EYS: variants seen among roughly 807,000 people sequenced by gnomAD.
EYS encodes protein eyes shut homolog.
Under a neutral mutation model 282.1 loss-of-function variants are expected in EYS, and 250 were observed. That is an observed-to-expected ratio of 0.89 (90% CI 0.80 to 0.98). The LOEUF (loss-of-function observed/expected upper bound fraction) is 0.98, where lower values mean the gene tolerates loss of function less well. EYS is among the 50% of genes least tolerant of loss of function. The probability of loss-of-function intolerance (pLI) is 0.00; values close to 1 mark genes in which losing one functional copy is unlikely to be tolerated. For synonymous variants in EYS, 1,355 were observed against 1,282.9 expected (o/e 1.06, Z -1.20); for missense variants, 4,016 against 3,709.0 (o/e 1.08, Z -2.15).
At chr6:65,284,911 G>A (rs1189727498) in intron 12 of EYS, among the ~76,000 whole-genome samples, 1 of 151,718 alleles carries the variant, frequency 6.6e-6, no homozygotes, top group Admixed American at 6.6e-5. Context: ...TGTAACAAGA[G>A]GTATTCTATT....
chr6:63,925,323 A>C (rs1050972971), intron 35 of EYS, among the ~76,000 whole-genome samples: 2 of 152,220 alleles, frequency 1.3e-5, no homozygotes, highest in Non-Finnish European at 2.9e-5. Flanking sequence ...AGAAAGAATA[A>C]CAAGAGAAAC....
At chr6:64,046,380 A>G (rs1770625889) in intron 33 of EYS, among the ~76,000 whole-genome samples, 2 of 151,922 alleles carry the variant, frequency 1.3e-5, no homozygotes, top group Non-Finnish European at 2.9e-5. Context: ...TCTCTCTCTC[A>G]CCATCTGTCC....
chr6:64,903,829 C>T (rs1263700408), intron 16 of EYS, among the ~76,000 whole-genome samples: 1 of 152,130 alleles, frequency 6.6e-6, no homozygotes, highest in Non-Finnish European at 1.5e-5. Context: ...AAACCTGCCT[C>T]CCGTTGCAAT....
intron 31 of EYS, among the ~76,000 whole-genome samples, chr6:64,212,621 C>T (rs181205567): frequency 3.3e-5 from 5 of 150,270 alleles, no homozygotes; most frequent in East Asian, 3.9e-4. Context: ...CAGATGCTGG[C>T]GAGGTTGTAG....
At chr6:65,547,556 A>C (rs1768438899) in intron 2 of EYS, among the ~76,000 whole-genome samples, 2 of 152,082 alleles carry the variant, frequency 1.3e-5, no homozygotes, top group Admixed American at 6.6e-5. Context: ...ATATTAGTGT[A>C]TATAGTGTCT....
intron 35 of EYS, among the ~76,000 whole-genome samples, chr6:63,908,600 A>G (rs186981503): frequency 2.0e-5 from 3 of 152,086 alleles, no homozygotes; most frequent in Non-Finnish European, 4.4e-5. Flanking sequence ...ACAGGCACCC[A>G]CCACCACGCT....
At chr6:64,657,575 G>T (rs1306695928) in intron 22 of EYS, among the ~76,000 whole-genome samples, 1 of 152,088 alleles carries the variant, frequency 6.6e-6, no homozygotes, top group Non-Finnish European at 1.5e-5. Context: ...CTCAGAATTT[G>T]CTTGTCTGTA....
chr6:64,738,791 C>T (rs1772272979), intron 22 of EYS, among the ~76,000 whole-genome samples: 1 of 152,186 alleles, frequency 6.6e-6, no homozygotes, highest in East Asian at 1.9e-4. Flanking sequence ...TAATTTTGCC[C>T]TTGTTGCCTA....
At chr6:65,063,100 T>C (rs766918072) in intron 12 of EYS, among the ~76,000 whole-genome samples, 2 of 151,968 alleles carry the variant, frequency 1.3e-5, no homozygotes, top group African/African-American at 2.4e-5. Flanking sequence ...GAAAATTACA[T>C]AGAAATGCAA....
intron 40 of EYS, among the ~76,000 whole-genome samples, chr6:63,772,072 C>T (rs1443310869): frequency 6.6e-6 from 1 of 151,850 alleles, no homozygotes; most frequent in African/African-American, 2.4e-5. Flanking sequence ...TTGGAGATGA[C>T]AATTTTGGCA....
intron 29 of EYS, among the ~76,000 whole-genome samples, chr6:64,360,600 A>G (rs1771972891): frequency 6.6e-6 from 1 of 151,736 alleles, no homozygotes; most frequent in African/African-American, 2.4e-5. Flanking sequence ...TGGAAATTCA[A>G]TTATGAGATA....
Position 64,821,629 on chromosome 6 carries a change from A to C in EYS, c.3243+16T>G. On this transcript the variant is annotated intron_variant, in intron 21 of 42. Transcript: ENST00000503581. ...AAATTTTTGTCATATAACTTGAATA[A>C]AATTATAAGACTTACATTAATTTTG... 1 of 1,354,790 alleles carries C rather than the reference A, an allele frequency of 7.4e-7. No homozygotes were observed. 83.9% of individuals were successfully genotyped at this position (1,354,790 alleles called of 1,614,324 possible). A position where few individuals can be genotyped will look rare whatever the true frequency, so the allele number is the denominator to read the frequency against.
At chr6:64,019,416 C>G (rs546133420) in intron 33 of EYS, among the ~76,000 whole-genome samples, 1 of 150,630 alleles carries the variant, frequency 6.6e-6, no homozygotes, top group Non-Finnish European at 1.5e-5. Context: ...TCTTTCTTTC[C>G]TTTTTATTTT....
At chr6:64,130,692 A>T (rs1773946490) in intron 31 of EYS, among the ~76,000 whole-genome samples, 1 of 152,104 alleles carries the variant, frequency 6.6e-6, no homozygotes, top group Non-Finnish European at 1.5e-5. Context: ...GAGAAGGAGC[A>T]TTCCATGGAG....
chr6:65,280,756 G>A (rs558938846), intron 12 of EYS, among the ~76,000 whole-genome samples: 3 of 151,366 alleles, frequency 2.0e-5, no homozygotes, highest in Non-Finnish European at 2.9e-5. Context: ...AGTGGCTCAC[G>A]CCTGTAATCC....
At chr6:64,062,316 C>A (rs544461444) in intron 33 of EYS, among the ~76,000 whole-genome samples, 1 of 152,270 alleles carries the variant, frequency 6.6e-6, no homozygotes, top group South Asian at 2.1e-4. Flanking sequence ...AAGCCTCAAG[C>A]TATGTATCTC....
intron 35 of EYS, among the ~76,000 whole-genome samples, chr6:63,943,308 A>G (rs1034876321): frequency 1.3e-5 from 2 of 152,236 alleles, no homozygotes; most frequent in African/African-American, 4.8e-5. Context: ...GGTGGCTACT[A>G]ATGGTCTTAT....
At chr6:64,436,914 C>A (rs1328208700) in intron 27 of EYS, among the ~76,000 whole-genome samples, 2 of 151,730 alleles carry the variant, frequency 1.3e-5, no homozygotes, top group Non-Finnish European at 3.0e-5. Context: ...TGTGTCTATT[C>A]TTTCCCAGAG....
intron 26 of EYS, among the ~76,000 whole-genome samples, chr6:64,505,822 C>G (rs185113417): frequency 2.0e-5 from 3 of 152,294 alleles, no homozygotes; most frequent in Admixed American, 2.0e-4. Context: ...CTTCAATTAT[C>G]AACACTTATG....
Sources: gnomAD v4.1 joint callset for allele counts (sites outside exome capture counted in the v4.1 genomes callset) on GRCh38, gnomAD v4.1.1 for gene constraint, MANE v1.5 for transcripts, NCBI Gene and HGNC (gene_info 2026-07-23, HGNC 2026-07-21) for gene names.